The following HERC5 variants were observed in gnomAD, a reference collection of about 807,000 sequenced individuals.
The protein encoded by HERC5 is E3 ISG15--protein ligase HERC5.
In HERC5, 99 loss-of-function variants were observed where a neutral mutation model predicts 119.6. The ratio of observed to expected loss-of-function variants is 0.83; its 90% confidence interval spans 0.70 to 0.98. The LOEUF is 0.98. Ranked by LOEUF, HERC5 falls within the 50% of genes least tolerant of loss-of-function variation. The pLI, the probability that HERC5 is intolerant of heterozygous loss-of-function variation, is 0.00. For missense variants in HERC5, 1,267 were observed against 1,241.3 expected, an observed-to-expected ratio of 1.02 and a Z score of -0.31; for synonymous variants, 478 against 445.9, an observed-to-expected ratio of 1.07 and a Z score of -0.91.
At chr4:88,458,066 AT>A in intron 1 of HERC5, 1 of 985,456 alleles carries the variant, frequency 1.0e-6, no homozygotes, top group South Asian at 4.7e-5. Flanking sequence ...CTGCGAGTTT[AT>A]TTTGCGTTTA....
Position 88,487,217 on chromosome 4 carries a change from A to G in HERC5, c.1962+38A>G, listed in dbSNP as rs761196699. The G allele has an allele frequency of 5.2e-6, 6 of 1,146,776 alleles. No individual in the cohort carries two copies. The Admixed American group carries it at 5.4e-5, about 10-fold the overall frequency. The allele number at this position is 1,146,776 out of a possible 1,614,324, so 71.0% of individuals were successfully genotyped here. On this transcript the variant is annotated intron_variant, in intron 15 of 22. Transcript: ENST00000264350. ...ATTTGTCTTCATTAGCATAAATCAC[A>G]TGCTAAGCGCCTTCTTAATCATGCA...
chr4:88,494,230 C>T lies in HERC5; in HGVS notation c.2343C>T (p.Cys781=). The stretch of plus-strand genomic sequence containing the variant: ...TATGTGGACTTTCCCTGTTCAATTG[C>T]AATGTTGCCAACCTTCCTTTCCCAC... ...GVLCGLSLFN[C]NVANLPFPLA... Residue 781 remains cysteine (C), a synonymous_variant, in exon 18 of 23, where the codon TGC becomes TGT. Coordinates refer to ENST00000264350, the MANE Select transcript of HERC5 (RefSeq NM_016323.4). 1.2e-6 allele frequency: 2 copies of T among 1,612,820 alleles called. No homozygotes were observed. The highest frequency in any genetic ancestry group is 1.7e-6 in the Non-Finnish European group (2 of 1,179,162).
Position 88,463,710 on chromosome 4 carries a change from T to G in HERC5, c.780+87T>G, listed in dbSNP as rs1740534279. 1.7e-5 allele frequency: 23 copies of G among 1,389,556 alleles called. No individual in the cohort carries two copies. In the South Asian group the frequency reaches 2.5e-4, roughly 15 times the overall value. 86.1% of individuals were successfully genotyped at this position (1,389,556 alleles called of 1,614,324 possible). On this transcript the variant is annotated intron_variant, in intron 5 of 22. Coordinates refer to ENST00000264350, the MANE Select transcript of HERC5 (RefSeq NM_016323.4). ...AGTGTTTCCCAGAGAAGAAAGGTCA[T>G]CACTTCCTGTATGTAGGACTGTCCT...
At chr4:88,462,078 G>A in intron 3 of HERC5, 57 bp from the exon 4 acceptor site, 1 of 1,409,630 alleles carries the variant, frequency 7.1e-7, no homozygotes, top group Non-Finnish European at 9.9e-7. Flanking sequence ...ATGCTTTAGG[G>A]TAATGTCTGC....
rs1740787932 is a variant in HERC5 at position 88,469,410 on chromosome 4, A to G, written c.1238+150A>G. ...TGTGTGTATTTCTGTCTCTATCTTT[A>G]TCTCTATCATGTCTGTCTGTCCATC... is the stretch of plus-strand genomic sequence containing the variant. On this transcript the variant is annotated intron_variant, in intron 9 of 22. Transcript: ENST00000264350. 2.7e-5 allele frequency: 18 copies of G among 668,732 alleles called. No homozygotes were observed. In the South Asian group the frequency reaches 2.9e-4, roughly 11 times the overall value. 41.4% of individuals were successfully genotyped at this position (668,732 alleles called of 1,614,324 possible).
At chr4:88,485,230 A>G (rs868129171) in intron 13 of HERC5, among the ~76,000 whole-genome samples, 1 of 152,242 alleles carries the variant, frequency 6.6e-6, no homozygotes, top group African/African-American at 2.4e-5. Flanking sequence ...TTTGACCGTA[A>G]TAGATAATAT....
At position 88,457,186 on chromosome 4, in the gene HERC5, A is replaced by T. The variant is rs1443090923; in HGVS notation, c.-84A>T. 1 of 1,237,980 alleles carries T rather than the reference A, an allele frequency of 8.1e-7. No individual in the cohort carries two copies. The highest frequency in any genetic ancestry group is 1.0e-6 in the Non-Finnish European group (1 of 990,148). 76.7% of individuals were successfully genotyped at this position (1,237,980 alleles called of 1,614,324 possible). Reference sequence around the variant, plus strand: ...CAGCTGGTTCCCGCTCTGCAGCGCAACGCCTGAGGCAGTGGGCGCGCTCAG... The same window carrying T: ...CAGCTGGTTCCCGCTCTGCAGCGCATCGCCTGAGGCAGTGGGCGCGCTCAG... On this transcript the variant is annotated 5_prime_UTR_variant, in exon 1 of 23. Coordinates refer to ENST00000264350, the MANE Select transcript of HERC5 (RefSeq NM_016323.4).
intron 4 of HERC5, among the ~76,000 whole-genome samples, chr4:88,463,085 G>A (rs1481891650): frequency 2.6e-5 from 4 of 152,124 alleles, no homozygotes; most frequent in Non-Finnish European, 2.9e-5. Flanking sequence ...AGAATAAAGC[G>A]GCCATTAAAC....
chr4:88,484,244 A>G (rs1741382096), intron 13 of HERC5, among the ~76,000 whole-genome samples: 1 of 152,176 alleles, frequency 6.6e-6, no homozygotes, highest in African/African-American at 2.4e-5. Flanking sequence ...TTATCTGAAT[A>G]TATATGCCTT....
In HERC5 at chr4:88,504,395, G is replaced by A; in HGVS notation, c.2746G>A (p.Asp916Asn). ...KDVIVGNTDY[D>N]WKTFEKNARY... ...TGTGATTGTTGGAAATACAGATTAT[G>A]ATTGGAAAACATTTGAAAAGGTACA... Residue 916 changes from aspartate to asparagine, a missense_variant, in exon 21 of 23, where the codon GAT becomes AAT. Asp to Asn is a conservative substitution (Grantham distance 23). Transcript: ENST00000264350. 1 of 1,602,884 alleles carries A rather than the reference G, an allele frequency of 6.2e-7. No homozygotes were observed. The highest frequency in any genetic ancestry group is 8.5e-7 in the Non-Finnish European group (1 of 1,172,248).
chr4:88,457,910 T>A (rs1740238206), intron 1 of HERC5: 2 of 1,027,938 alleles, frequency 1.9e-6, no homozygotes, highest in Admixed American at 1.1e-4. Context: ...TAGTCACTGC[T>A]CCAACTTTGG....
In HERC5 at chr4:88,479,574, C is replaced by T. The variant is rs1023634135; in HGVS notation, c.1737+67C>T. The T allele has an allele frequency of 3.0e-6, 4 of 1,355,430 alleles. No individual in the cohort carries two copies. The African/African-American group carries it at 5.9e-5, about 20-fold the overall frequency. 84.0% of individuals were successfully genotyped at this position (1,355,430 alleles called of 1,614,324 possible). A position where few individuals can be genotyped will look rare whatever the true frequency, so the allele number is the denominator to read the frequency against. On this transcript the variant is annotated intron_variant, in intron 13 of 22. Coordinates refer to ENST00000264350, the MANE Select transcript of HERC5 (RefSeq NM_016323.4). ...TAAAAATTCCCTTCCTTTCAGCTGGCTTGAATCTTTAAGTAGACTCGTGTG... is the reference window on the plus strand; with the variant it reads ...TAAAAATTCCCTTCCTTTCAGCTGGTTTGAATCTTTAAGTAGACTCGTGTG...
chr4:88,463,910 C>T lies in HERC5; in HGVS notation c.836C>T (p.Ser279Leu). 1 of 1,613,760 alleles carries T rather than the reference C, an allele frequency of 6.2e-7. No homozygotes were observed. The highest frequency in any genetic ancestry group is 1.1e-5 in the South Asian group (1 of 91,052). ...AGKHGQLGHNSTQNELRPCLV... is the reference protein window; with the variant it reads ...AGKHGQLGHNLTQNELRPCLV... ...AAACATGGGCAACTTGGTCATAATT[C>T]AACACAGAATGAGCTAAGACCCTGT... Residue 279 changes from serine (S) to leucine (L), a missense_variant, in exon 6 of 23, where the codon TCA becomes TTA. By Grantham distance (145) the Ser-to-Leu change is moderately radical. Around this residue, in one of 3 missense-constraint regions of HERC5, gnomAD observed 777 missense variants for 758.0 expected, o/e 1.03. Transcript: ENST00000264350.
intron 6 of HERC5, among the ~76,000 whole-genome samples, chr4:88,464,733 C>T (rs534017132): frequency 2.0e-5 from 3 of 151,632 alleles, no homozygotes; most frequent in Non-Finnish European, 4.4e-5. Flanking sequence ...GGATTACAGG[C>T]GTGCACTGCC....
chr4:88,502,539 G>A (rs931242154), intron 20 of HERC5, among the ~76,000 whole-genome samples: 22 of 152,144 alleles, frequency 1.4e-4, no homozygotes, highest in African/African-American at 5.1e-4. Flanking sequence ...GGTGCCCAGG[G>A]AGTGAGCCTG....
intron 20 of HERC5, among the ~76,000 whole-genome samples, chr4:88,502,886 A>T (rs962001365): frequency 1.3e-5 from 2 of 149,672 alleles, no homozygotes; most frequent in South Asian, 4.2e-4. Flanking sequence ...TTGTCAGTTT[A>T]TGAGAGTTCT....
chr4:88,488,178 C>T (rs1741527071), intron 15 of HERC5, among the ~76,000 whole-genome samples: 1 of 151,434 alleles, frequency 6.6e-6, no homozygotes, highest in Non-Finnish European at 1.5e-5. Flanking sequence ...GAGATAATTT[C>T]GTAGAAGTAA....
intron 18 of HERC5, among the ~76,000 whole-genome samples, chr4:88,498,600 T>G (rs1741864946): frequency 1.3e-5 from 2 of 152,212 alleles, no homozygotes; most frequent in Non-Finnish European, 2.9e-5. Context: ...AGACAGAGTC[T>G]CACTCTGTGG....
intron 1 of HERC5, 112 bp from the exon 2 acceptor site, chr4:88,459,235 G>A: frequency 1.1e-6 from 1 of 876,220 alleles, no homozygotes; most frequent in South Asian, 3.4e-5. Flanking sequence ...GTAAGTCAAA[G>A]CTTGTCTAGT....
Sources: allele counts gnomAD v4.1 joint callset (sites outside exome capture counted in the v4.1 genomes callset), GRCh38; gene constraint gnomAD v4.1.1; regional missense constraint gnomAD v4.1.1; transcripts MANE v1.5; gene names NCBI Gene and HGNC (gene_info 2026-07-23, HGNC 2026-07-21).